The following ZNF439 variants were observed in gnomAD, a reference collection of about 807,000 sequenced individuals.
ZNF439 encodes zinc finger protein 439.
A neutral mutation model predicts 47.3 loss-of-function variants in ZNF439; 40 were observed. The ratio of observed to expected loss-of-function variants is 0.85; its 90% CI spans 0.66 to 1.10. The LOEUF (loss-of-function observed/expected upper bound fraction) is 1.10. Ranked by LOEUF, ZNF439 falls within the 50% of genes least tolerant of loss-of-function variation. The pLI is 0.00. For missense variants in ZNF439, 556 were observed against 601.1 expected (o/e 0.93, Z 0.78); for synonymous variants, 171 against 198.8 (o/e 0.86, Z 1.18).
In ZNF439 at chr19:11,848,797, A is replaced by T. The variant is rs111986592; in HGVS notation, c.-71A>T. The T allele has an allele frequency of 1.1e-3, 1,636 of 1,423,012 alleles. 18 individuals are homozygous for T. The African/African-American group carries it at 0.021, about 18-fold the overall frequency. The allele number at this position is 1,423,012 out of a possible 1,614,324, so 88.1% of individuals were successfully genotyped here. On this transcript the variant is annotated 5_prime_UTR_variant, in exon 1 of 4. Coordinates refer to ENST00000682736, the MANE Select transcript of ZNF439 (RefSeq NM_001348719.2). ...TGTCGCTGCGAGGGCGGCGGTTGGG[A>T]TCTGGCCTTTCCAGCCCCGAGAGGG... is the stretch of plus-strand genomic sequence containing the variant.
At chr19:11,849,232 G>A in intron 1 of ZNF439, 1 of 1,038,550 alleles carries the variant, frequency 9.6e-7, no homozygotes, top group South Asian at 3.2e-5. Context: ...ATTTCGACTC[G>A]GGTGTGGATT....
intron 3 of ZNF439, among the ~76,000 whole-genome samples, chr19:11,866,884 G>C (rs1976699833): frequency 6.6e-6 from 1 of 152,042 alleles, no homozygotes; most frequent in Admixed American, 6.6e-5. Context: ...AAAATTAGCT[G>C]GGCATTGTGG....
At chr19:11,864,465 T>G (rs763552388) in intron 1 of ZNF439, among the ~76,000 whole-genome samples, 4 of 151,908 alleles carry the variant, frequency 2.6e-5, no homozygotes, top group Non-Finnish European at 4.4e-5. Context: ...CCTGGCTAAT[T>G]TTTGTGTTTT....
At chr19:11,867,002 C>T (rs901537942) in intron 3 of ZNF439, among the ~76,000 whole-genome samples, 2 of 152,170 alleles carry the variant, frequency 1.3e-5, no homozygotes, top group African/African-American at 4.8e-5. Flanking sequence ...GATACCACTG[C>T]ACTCCAGGGT....
Position 11,867,381 on chromosome 19 carries a change from T to C in ZNF439, c.327T>C (p.Asp109=). Residue 109 remains aspartate, a synonymous_variant, in exon 4 of 4, where the codon GAT becomes GAC. Coordinates refer to ENST00000682736, the MANE Select transcript of ZNF439 (RefSeq NM_001348719.2). ...GAGAAACTTTTACCCCAGTTCCAGATGACAGGCTGAACTTCCAGAAGAAGA... is the reference window on the plus strand; with the variant it reads ...GAGAAACTTTTACCCCAGTTCCAGACGACAGGCTGAACTTCCAGAAGAAGA... ...HCGETFTPVP[D]DRLNFQKKKA... 1 of 1,613,976 alleles carries C rather than the reference T, an allele frequency of 6.2e-7. No individual in the cohort carries two copies. The highest frequency in any genetic ancestry group is 1.7e-5 in the Admixed American group (1 of 60,014).
In ZNF439 at chr19:11,867,527, A is replaced by G. The variant is rs1976721869; in HGVS notation, c.473A>G (p.Tyr158Cys). Reference protein sequence around the residue: ...TGHKACECQEYGPKPWKSQQP... With the variant: ...TGHKACECQECGPKPWKSQQP... ...CACAAGGCATGTGAATGTCAGGAAT[A>G]TGGACCAAAGCCATGGAAGAGTCAA... The change falls in exon 4 of 4, where the codon TAT becomes TGT. Residue 158 changes from tyrosine to cysteine, a missense_variant. Tyr to Cys is a radical substitution (Grantham distance 194). Coordinates refer to ENST00000682736, the MANE Select transcript of ZNF439 (RefSeq NM_001348719.2). 3 of 1,614,088 alleles carry G rather than the reference A, an allele frequency of 1.9e-6. No homozygotes were observed. The South Asian group carries it at 3.3e-5, about 18-fold the overall frequency.
At chr19:11,853,102 G>C (rs1599311061) in intron 1 of ZNF439, among the ~76,000 whole-genome samples, 1 of 151,574 alleles carries the variant, frequency 6.6e-6, no homozygotes, top group Non-Finnish European at 1.5e-5. Context: ...GCTAATTTTT[G>C]TATTTTTAGT....
intron 1 of ZNF439, among the ~76,000 whole-genome samples, chr19:11,863,504 G>T (rs1328583384): frequency 6.6e-6 from 1 of 151,996 alleles, no homozygotes; most frequent in African/African-American, 2.4e-5. Context: ...AGAATTCTAG[G>T]AGTTCTTCAT....
chr19:11,858,164 A>G (rs1465111338), intron 1 of ZNF439: 1 of 152,184 alleles, frequency 6.6e-6, no homozygotes, highest in Non-Finnish European at 1.5e-5. Context: ...AGGGTATAGT[A>G]AAGAAAGGTC....
At chr19:11,851,716 G>A (rs973603108) in intron 1 of ZNF439, among the ~76,000 whole-genome samples, 4 of 151,444 alleles carry the variant, frequency 2.6e-5, no homozygotes, top group African/African-American at 9.7e-5. Flanking sequence ...CTGGAGCAGT[G>A]GTGCCATCAC....
At chr19:11,856,215 A>G (rs981164440) in intron 1 of ZNF439, 2 of 152,192 alleles carry the variant, frequency 1.3e-5, no homozygotes, top group African/African-American at 4.8e-5. Context: ...ATAAGGCTAA[A>G]TGTAATTTTA....
chr19:11,859,078 C>T (rs1041084228), intron 1 of ZNF439, among the ~76,000 whole-genome samples: 6 of 152,324 alleles, frequency 3.9e-5, no homozygotes, highest in African/African-American at 1.4e-4. Context: ...TTCACAGGTG[C>T]TAGTGCACAT....
rs1160949467 is a variant in ZNF439, at chr19:11,869,451, TAATAA to T, written c.*887_*891del. ...TTCTTTTTAAATAATTAAGAAGCTA[TAATAA>T]AATATCCATTGGTGTCATGTATTAG... On this transcript the variant is annotated 3_prime_UTR_variant, in exon 4 of 4. Transcript: ENST00000682736. The T allele has an allele frequency of 6.6e-6, 1 of 152,618 alleles. No homozygotes were observed. Among genetic ancestry groups the T allele is most frequent in the Non-Finnish European group, 1.5e-5 (1 of 68,194 alleles). The allele number at this position is 152,618 out of a possible 1,614,324, so 9.5% of individuals were successfully genotyped here. A position where few individuals can be genotyped will look rare whatever the true frequency, so the allele number is the denominator to read the frequency against.
In ZNF439 at chr19:11,867,764, A is replaced by T; in HGVS notation, c.710A>T (p.His237Leu). The T allele has an allele frequency of 1.2e-6, 2 of 1,614,204 alleles. No homozygotes were observed. The highest frequency in any genetic ancestry group is 1.7e-6 in the Non-Finnish European group (2 of 1,180,026). The change falls in exon 4 of 4, where the codon CAT (histidine) becomes CTT (leucine). Residue 237 changes from histidine to leucine, a missense_variant. His to Leu is a moderately conservative substitution (Grantham distance 99). Coordinates refer to ENST00000682736, the MANE Select transcript of ZNF439 (RefSeq NM_001348719.2). ...CATTGTCTCAGTTTATATCTTATCC[A>T]TGAAAGAACTCACACTGGAGAGAAA... is the stretch of plus-strand genomic sequence containing the variant. ...AFHCLSLYLI[H>L]ERTHTGEKPY...
Position 11,867,361 on chromosome 19 carries a change from A to T in ZNF439, c.307A>T (p.Thr103Ser), listed in dbSNP as rs778059317. 3 of 1,613,832 alleles carry T rather than the reference A, an allele frequency of 1.9e-6. No homozygotes were observed. The South Asian group carries it at 3.3e-5, about 18-fold the overall frequency. The change falls in exon 4 of 4, where the codon ACT becomes TCT. Residue 103 changes from threonine to serine, a missense_variant. By Grantham distance (58) the Thr-to-Ser change is moderately conservative (BLOSUM62 1). Transcript: ENST00000682736. Reference sequence around the variant, plus strand: ...TAAAGAAGACAGTCATTGTGGAGAAACTTTTACCCCAGTTCCAGATGACAG... The same window carrying T: ...TAAAGAAGACAGTCATTGTGGAGAATCTTTTACCCCAGTTCCAGATGACAG... ...EIKEDSHCGETFTPVPDDRLN... is the reference protein window; with the variant it reads ...EIKEDSHCGESFTPVPDDRLN...
rs148806750 is a variant in ZNF439, at chr19:11,867,477, T to C, written c.423T>C (p.Asn141=). The C allele has an allele frequency of 1.9e-6, 3 of 1,613,986 alleles. No individual in the cohort carries two copies. In the African/African-American group the frequency reaches 4.0e-5, roughly 22 times the overall value. The change falls in exon 4 of 4, where the codon AAT becomes AAC. Residue 141 remains asparagine (N), a synonymous_variant. Transcript: ENST00000682736. Reference sequence around the variant, plus strand: ...TTGGCCTAGGTAACTCATCTTCTAATATGAACATCAGAGGTGACACTGGAC... The same window carrying C: ...TTGGCCTAGGTAACTCATCTTCTAACATGAACATCAGAGGTGACACTGGAC... ...CEVGLGNSSS[N]MNIRGDTGHK...
In ZNF439 at chr19:11,867,929, G is replaced by C. The variant is rs770088184; in HGVS notation, c.875G>C (p.Arg292Thr). 2.4e-5 allele frequency: 38 copies of C among 1,613,900 alleles called. No individual in the cohort carries two copies. The highest frequency in any genetic ancestry group is 3.1e-5 in the Non-Finnish European group (37 of 1,179,998). The change falls in exon 4 of 4, where the codon AGA becomes ACA. Residue 292 changes from arginine to threonine, a missense_variant. Transcript: ENST00000682736. ...KAFHSPRSCH[R>T]HERSHMGEKA... is the part of the protein sequence containing the mutation. ...TTCCATAGTCCCAGATCCTGTCACA[G>C]ACATGAAAGGAGTCACATGGGAGAG... is the stretch of plus-strand genomic sequence containing the variant.
At chr19:11,860,551 G>A (rs1168193456) in intron 1 of ZNF439, among the ~76,000 whole-genome samples, 2 of 152,096 alleles carry the variant, frequency 1.3e-5, no homozygotes, top group African/African-American at 2.4e-5. Context: ...CCCTGTTCAC[G>A]GCCGCCGCTT....
At chr19:11,867,131 G>T (rs1010635825) in intron 3 of ZNF439, among the ~76,000 whole-genome samples, 175 bp from the exon 4 acceptor site, 1 of 152,152 alleles carries the variant, frequency 6.6e-6, no homozygotes, top group Non-Finnish European at 1.5e-5. Context: ...TTAAATAATA[G>T]GTATGGCTAG....
Sources: gnomAD v4.1 joint callset for allele counts (sites outside exome capture counted in the v4.1 genomes callset) on GRCh38, gnomAD v4.1.1 for gene constraint, MANE v1.5 for transcripts, NCBI Gene and HGNC (gene_info 2026-07-23, HGNC 2026-07-21) for gene names.